The following ICA1 variants were observed in gnomAD, a reference collection of about 807,000 sequenced individuals.
The protein encoded by ICA1 is islet cell autoantigen 1.
A neutral mutation model predicts 71.0 loss-of-function variants in ICA1; 40 were observed. The ratio of observed to expected loss-of-function variants is 0.56; its 90% CI spans 0.44 to 0.73. The LOEUF is 0.73. Ranked by LOEUF, ICA1 falls within the 30% of genes least tolerant of loss-of-function variation. The pLI is 0.00. For synonymous variants in ICA1, 207 were observed against 209.5 expected, an observed-to-expected ratio of 0.99 and a Z score of 0.10; for missense variants, 578 against 576.5, an observed-to-expected ratio of 1.00 and a Z score of -0.03.
At chr7:8,137,442 A>C (rs1333743071) in intron 12 of ICA1, among the ~76,000 whole-genome samples, 1 of 152,204 alleles carries the variant, frequency 6.6e-6, no homozygotes, top group Non-Finnish European at 1.5e-5. Flanking sequence ...GTGGGTACCT[A>C]GGTTTGTTCT....
intron 12 of ICA1, among the ~76,000 whole-genome samples, chr7:8,136,060 A>G (rs1215974569): frequency 6.6e-6 from 1 of 152,148 alleles, no homozygotes; most frequent in Non-Finnish European, 1.5e-5. Flanking sequence ...TTTTACTTAA[A>G]ATAGTTTTAT....
intron 6 of ICA1, among the ~76,000 whole-genome samples, chr7:8,181,140 CT>C (rs970534153): frequency 3.3e-5 from 5 of 152,004 alleles, no homozygotes; most frequent in Non-Finnish European, 7.4e-5. Context: ...TGATCCAGCC[CT>C]AGTTAATTTT....
intron 8 of ICA1, among the ~76,000 whole-genome samples, chr7:8,148,115 A>G (rs1797661622): frequency 6.6e-6 from 1 of 152,132 alleles, no homozygotes; most frequent in African/African-American, 2.4e-5. Context: ...ACCATCCACC[A>G]CCCTGAACTG....
chr7:8,261,073 T>C (rs1162546821), intron 1 of ICA1, among the ~76,000 whole-genome samples: 2 of 152,216 alleles, frequency 1.3e-5, no homozygotes, highest in Non-Finnish European at 2.9e-5. Flanking sequence ...GTGACATATT[T>C]TCCAGGCCTT....
chr7:8,199,150 T>A (rs1788687869), intron 6 of ICA1, among the ~76,000 whole-genome samples: 1 of 152,212 alleles, frequency 6.6e-6, no homozygotes, highest in South Asian at 2.1e-4. Flanking sequence ...GTACAACCAT[T>A]GTGGAGAACT....
At chr7:8,207,683 C>A (rs1188274364) in intron 6 of ICA1, among the ~76,000 whole-genome samples, 2 of 152,208 alleles carry the variant, frequency 1.3e-5, no homozygotes, top group East Asian at 3.8e-4. Flanking sequence ...GTGAACAGAG[C>A]TCCTGCTGAC....
intron 13 of ICA1, among the ~76,000 whole-genome samples, chr7:8,122,122 G>A (rs541442359): frequency 8.0e-4 from 122 of 152,318 alleles, no homozygotes; most frequent in African/African-American, 2.8e-3. Context: ...TGAGTGGCAT[G>A]CTCTAAGGAG....
Position 8,218,444 on chromosome 7 carries a change from C to G in ICA1, c.440G>C (p.Arg147Pro), listed in dbSNP as rs774914827. The G allele has an allele frequency of 3.7e-6, 6 of 1,613,894 alleles. No individual in the cohort carries two copies. The highest frequency in any genetic ancestry group is 2.5e-6 in the Non-Finnish European group (3 of 1,179,986). Residue 147 changes from arginine (R) to proline (P), a missense_variant, in exon 6 of 14, where the codon CGG becomes CCG. Physicochemically the swap from Arg to Pro is moderately radical, Grantham distance 103 (BLOSUM62 -2). Coordinates refer to ENST00000402384, the MANE Select transcript of ICA1 (RefSeq NM_001136020.3). ...FHQEVETFRH[R>P]AISDTWLTVN... The stretch of plus-strand genomic sequence containing the variant: ...CGTCAGCCAAGTATCTGAGATGGCC[C>G]GATGCCGAAAAGTCTCCACTTCTTG...
chr7:8,147,796 C>G (rs1430403485), intron 8 of ICA1, among the ~76,000 whole-genome samples: 1 of 151,826 alleles, frequency 6.6e-6, no homozygotes, highest in Non-Finnish European at 1.5e-5. Flanking sequence ...TTGCAGTACA[C>G]AGTAAGTAGG....
intron 6 of ICA1, among the ~76,000 whole-genome samples, chr7:8,192,700 AT>A (rs71014770): frequency 0.93 from 142,038 of 152,286 alleles, 66,272 homozygotes; most frequent in Middle Eastern, 0.99. Context: ...GATTTTCAAC[AT>A]TCTACATTTA....
intron 6 of ICA1, among the ~76,000 whole-genome samples, chr7:8,170,854 G>T (rs1050793074): frequency 2.0e-5 from 3 of 151,700 alleles, no homozygotes; most frequent in Non-Finnish European, 4.4e-5. Context: ...TGTTAATGTT[G>T]AACAGAAGTT....
chr7:8,144,938 T>A lies in ICA1; in HGVS notation c.805-966A>T, dbSNP rs538264128. Among the ~76,000 whole-genome samples the A allele has an allele frequency of 3.4e-4, 51 of 152,148 alleles. No homozygotes were observed. The highest frequency in any genetic ancestry group is 7.3e-5 in the Non-Finnish European group (5 of 68,032). Reference sequence around the variant, plus strand: ...ACACATAGGAGGCAATCAGGTTTCATGGCCAATTCTGATTGATTAGTACTG... The same window carrying A: ...ACACATAGGAGGCAATCAGGTTTCAAGGCCAATTCTGATTGATTAGTACTG... On this transcript the variant is annotated intron_variant, in intron 8 of 13. Transcript: ENST00000402384. This position sits in a 1 kb window ranked among gnomAD's most constrained non-coding sequence, Gnocchi z 4.5.
At chr7:8,235,384 C>T (rs1371462539) in intron 2 of ICA1, among the ~76,000 whole-genome samples, 2 of 152,094 alleles carry the variant, frequency 1.3e-5, no homozygotes, top group South Asian at 2.1e-4. Context: ...TAAATGTCAG[C>T]GCTAACATTG....
chr7:8,156,646 A>T, intron 8 of ICA1: 1 of 539,358 alleles, frequency 1.9e-6, no homozygotes, highest in Non-Finnish European at 3.0e-6. Context: ...TATGTTGGAT[A>T]ATACTCTCAG....
In ICA1 at chr7:8,166,934, T is replaced by C. The variant is rs145750800; in HGVS notation, c.580-8282A>G. ...ATGAAATCAAAACTACAGTAAGATA[T>C]ATCTCACACTAGTCAGAATGGCTAT... On this transcript the variant is annotated intron_variant, in intron 6 of 13. Coordinates refer to ENST00000402384, the MANE Select transcript of ICA1 (RefSeq NM_001136020.3). Among the ~76,000 whole-genome samples the C allele has an allele frequency of 1.5e-4, 23 of 152,196 alleles. No homozygotes were observed. In the East Asian group the frequency reaches 3.9e-3, roughly 26 times the overall value.
At position 8,123,403 on chromosome 7, in the gene ICA1, G is replaced by C. The variant is rs1004763084; in HGVS notation, c.1330+4470C>G. Among the ~76,000 whole-genome samples the C allele has an allele frequency of 6.6e-6, 1 of 152,074 alleles. No homozygotes were observed. The highest frequency in any genetic ancestry group is 2.4e-5 in the African/African-American group (1 of 41,400). ...AGGCGGAAGAGGAGGGGGAAATGTG[G>C]ATTGTGAGAGGGGGTGAGGGAGCTG... On this transcript the variant is annotated intron_variant, in intron 13 of 13. Coordinates refer to ENST00000402384, the MANE Select transcript of ICA1 (RefSeq NM_001136020.3). This position sits in a 1 kb window ranked among gnomAD's most constrained non-coding sequence, Gnocchi z 4.1.
In ICA1 at chr7:8,224,917, A is replaced by G. The variant is rs1798146661; in HGVS notation, c.257-3519T>C. On this transcript the variant is annotated intron_variant, in intron 4 of 13. Coordinates refer to ENST00000402384, the MANE Select transcript of ICA1 (RefSeq NM_001136020.3). ...TTACAGATATTTGGGAAGGATACACAATGGTGAAGTGTCTTTCTTAGTGCA... is the reference window on the plus strand; with the variant it reads ...TTACAGATATTTGGGAAGGATACACGATGGTGAAGTGTCTTTCTTAGTGCA... Among the ~76,000 whole-genome samples the G allele has an allele frequency of 2.6e-5, 4 of 152,318 alleles. No homozygotes were observed. In the South Asian group the frequency reaches 8.3e-4, roughly 32 times the overall value.
intron 1 of ICA1, among the ~76,000 whole-genome samples, chr7:8,241,940 G>C (rs1464542120): frequency 6.6e-6 from 1 of 152,112 alleles, no homozygotes; most frequent in Non-Finnish European, 1.5e-5. Flanking sequence ...CCTACAAAGA[G>C]ACTTAGACTC....
chr7:8,117,887 A>G (rs1785283145), intron 13 of ICA1, among the ~76,000 whole-genome samples: 1 of 152,226 alleles, frequency 6.6e-6, no homozygotes, highest in African/African-American at 2.4e-5. Flanking sequence ...TACACTTTCC[A>G]GTGGACTTCA....
Sources: gnomAD v4.1 joint callset for allele counts (sites outside exome capture counted in the v4.1 genomes callset) on GRCh38, gnomAD v4.1.1 for gene constraint, Gnocchi (gnomAD v3.1) non-coding constraint, MANE v1.5 for transcripts, NCBI Gene and HGNC (gene_info 2026-07-23, HGNC 2026-07-21) for gene names.